Variants in PAPPA2 observed in about 807,000 individuals in gnomAD.
The protein encoded by PAPPA2 is pappalysin 2.
A neutral mutation model predicts 176.4 loss-of-function variants in PAPPA2; 86 were observed. The observed-to-expected ratio is 0.49, with a 90% confidence interval of 0.41 to 0.58. The LOEUF is 0.58. PAPPA2 is among the 20% of genes least tolerant of loss of function. The pLI, the probability that PAPPA2 is intolerant of heterozygous loss-of-function variation, is 0.00. For missense variants in PAPPA2, 2,073 were observed against 2,256.9 expected, an observed-to-expected ratio of 0.92 and a Z score of 1.65; for synonymous variants, 809 against 852.2, an observed-to-expected ratio of 0.95 and a Z score of 0.88.
Position 176,544,268 on chromosome 1 carries a change from C to T in PAPPA2, c.-916-11139C>T, listed in dbSNP as rs142495271. On this transcript the variant is annotated intron_variant, in intron 1 of 22. Transcript: ENST00000367662. ...GTGTCTTAAGTAGTTCAAGTGTCAA[C>T]GCTTGCATACATAAAAATGACAATA... Among the ~76,000 whole-genome samples, 164 of 152,274 alleles carry T rather than the reference C, an allele frequency of 1.1e-3. 1 individual carries two copies. Among genetic ancestry groups the T allele is most frequent in the East Asian group, 2.3e-3 (12 of 5,188 alleles).
At chr1:176,694,688 G>C (rs1660282553) in intron 6 of PAPPA2, among the ~76,000 whole-genome samples, 1 of 152,174 alleles carries the variant, frequency 6.6e-6, no homozygotes, top group Non-Finnish European at 1.5e-5. Flanking sequence ...AGCTATTATT[G>C]TGTCTACCTC....
At chr1:176,498,707 A>G (rs10798459) in intron 1 of PAPPA2, among the ~76,000 whole-genome samples, 56,150 of 150,040 alleles carry the variant, frequency 0.37, 12,479 homozygotes, top group African/African-American at 0.61. Flanking sequence ...CCGAGATCGC[A>G]CCATTGCACT....
At chr1:176,630,428 A>C (rs1415311000) in intron 3 of PAPPA2, among the ~76,000 whole-genome samples, 1 of 152,232 alleles carries the variant, frequency 6.6e-6, no homozygotes, top group Admixed American at 6.5e-5. Context: ...GAAAAGGCTG[A>C]TGATGGTGCC....
chr1:176,519,500 T>A (rs1033432137), intron 1 of PAPPA2, among the ~76,000 whole-genome samples: 2 of 152,160 alleles, frequency 1.3e-5, no homozygotes, highest in African/African-American at 4.8e-5. Context: ...ATTAGGGAAA[T>A]GCCTATTTTG....
rs1297647972 is a variant in PAPPA2, at chr1:176,769,146, A to G, written c.4324-461A>G. On this transcript the variant is annotated intron_variant, in intron 15 of 22. Transcript: ENST00000367662. ...AGCAGGCTTCCAGAAGATGCAGCCA[A>G]TCTGCAGCGACCCTTGGGAGAGAGT... Among the ~76,000 whole-genome samples the G allele has an allele frequency of 2.6e-5, 4 of 152,220 alleles. No individual in the cohort carries two copies. The East Asian group carries it at 7.7e-4, about 29-fold the overall frequency.
intron 2 of PAPPA2, among the ~76,000 whole-genome samples, chr1:176,582,804 A>G (rs1441248964): frequency 6.6e-6 from 1 of 152,092 alleles, no homozygotes; most frequent in Non-Finnish European, 1.5e-5. Context: ...CCTACCTTAA[A>G]TTTTTTTGGA....
Position 176,837,642 on chromosome 1 carries a change from A to C in PAPPA2, c.5203-2531A>C, listed in dbSNP as rs1667326232. Among the ~76,000 whole-genome samples the C allele has an allele frequency of 4.6e-5, 7 of 152,366 alleles. No individual in the cohort carries two copies. The South Asian group carries it at 1.4e-3, about 32-fold the overall frequency. The stretch of plus-strand genomic sequence containing the variant: ...TATTTTCTGATGTTACAGAATAAGC[A>C]AGGTATACATATGGGTGGTGACGTT... On this transcript the variant is annotated intron_variant, in intron 21 of 22. Coordinates refer to ENST00000367662, the MANE Select transcript of PAPPA2 (RefSeq NM_020318.3).
chr1:176,814,068 A>G (rs1377102068), intron 21 of PAPPA2, among the ~76,000 whole-genome samples: 3 of 152,012 alleles, frequency 2.0e-5, no homozygotes, highest in Non-Finnish European at 2.9e-5. Flanking sequence ...TGTTTTTGTC[A>G]GGTTTGTTGA....
intron 1 of PAPPA2, among the ~76,000 whole-genome samples, chr1:176,503,651 G>T (rs1008732652): frequency 6.6e-6 from 1 of 152,154 alleles, no homozygotes; most frequent in Non-Finnish European, 1.5e-5. Context: ...TTATTCCAGT[G>T]TGACATTGAC....
At chr1:176,663,402 G>C (rs1022141592) in intron 3 of PAPPA2, among the ~76,000 whole-genome samples, 1 of 152,062 alleles carries the variant, frequency 6.6e-6, no homozygotes, top group Admixed American at 6.6e-5. Flanking sequence ...GATCACACTT[G>C]CTTTCCTACA....
chr1:176,686,311 A>G (rs529236271), intron 4 of PAPPA2, among the ~76,000 whole-genome samples: 312 of 152,312 alleles, frequency 2.0e-3, no homozygotes, highest in African/African-American at 7.2e-3. Context: ...GGGGCAGGAA[A>G]GAAAATGAGT....
chr1:176,627,433 T>C (rs780371795), intron 3 of PAPPA2, among the ~76,000 whole-genome samples: 4 of 152,312 alleles, frequency 2.6e-5, no homozygotes, highest in Non-Finnish European at 5.9e-5. Context: ...AGAAGTTCAA[T>C]AAATTACACA....
At chr1:176,595,840 CA>C (rs764327955) in intron 3 of PAPPA2, among the ~76,000 whole-genome samples, 2 of 152,156 alleles carry the variant, frequency 1.3e-5, no homozygotes, top group Non-Finnish European at 2.9e-5. Context: ...GCTGTGTACA[CA>C]GTGTGAAGCG....
At chr1:176,592,530 G>A (rs533085808) in intron 2 of PAPPA2, among the ~76,000 whole-genome samples, 1 of 152,136 alleles carries the variant, frequency 6.6e-6, no homozygotes, top group East Asian at 1.9e-4. Context: ...CTTTCTATGA[G>A]ACAAATAAGA....
intron 4 of PAPPA2, among the ~76,000 whole-genome samples, chr1:176,680,531 A>G (rs1248173525): frequency 6.6e-6 from 1 of 152,238 alleles, no homozygotes; most frequent in African/African-American, 2.4e-5. Context: ...CAATACAAAA[A>G]CATTCTGTAT....
chr1:176,467,466 C>A (rs913989626), intron 1 of PAPPA2, among the ~76,000 whole-genome samples: 5 of 152,184 alleles, frequency 3.3e-5, no homozygotes, highest in African/African-American at 1.2e-4. Context: ...TCAGCTTCCC[C>A]ATCTGAACTT....
In PAPPA2 at chr1:176,769,738, T is replaced by C; in HGVS notation, c.4455T>C (p.Phe1485=). 6.2e-7 allele frequency: 1 copy of C among 1,613,000 alleles called. No individual in the cohort carries two copies. The change falls in exon 16 of 23, where the codon TTT becomes TTC. Residue 1485 remains phenylalanine (F), a synonymous_variant. Transcript: ENST00000367662. ...TCTCCTGCTCAGAGGGAACCAAATT[T>C]CTGAAACGCTGCTCAATCTCTTGTG... The part of the protein sequence containing the change: ...ANFSCSEGTK[F]LKRCSISCVP...
At position 176,568,938 on chromosome 1, in the gene PAPPA2, T is replaced by C. The variant is rs1457951408; in HGVS notation, c.919+11697T>C. Among the ~76,000 whole-genome samples the C allele has an allele frequency of 2.6e-5, 4 of 152,210 alleles. No homozygotes were observed. In the East Asian group the frequency reaches 7.7e-4, roughly 29 times the overall value. ...TTCCTGCCTACAACCATCAGAAGAC[T>C]CTGCTGCACCCTCAGGATAAAGTTC... On this transcript the variant is annotated intron_variant, in intron 2 of 22. Transcript: ENST00000367662.
chr1:176,574,836 G>A (rs978776395), intron 2 of PAPPA2, among the ~76,000 whole-genome samples: 1 of 152,164 alleles, frequency 6.6e-6, no homozygotes, highest in African/African-American at 2.4e-5. Flanking sequence ...CTATGTTTAG[G>A]TATGTTTAGA....
Sources: gnomAD v4.1 joint callset for allele counts (sites outside exome capture counted in the v4.1 genomes callset) on GRCh38, gnomAD v4.1.1 for gene constraint, MANE v1.5 for transcripts, NCBI Gene and HGNC (gene_info 2026-07-23, HGNC 2026-07-21) for gene names.